The following RBPJ variants were observed in gnomAD, a reference collection of about 807,000 sequenced individuals.
The protein encoded by RBPJ is recombining binding protein suppressor of hairless.
A neutral mutation model predicts 67.8 loss-of-function variants in RBPJ; 9 were observed. The observed-to-expected ratio is 0.13, with a 90% confidence interval of 0.08 to 0.23. RBPJ has a LOEUF of 0.23. RBPJ is among the 10% of genes least tolerant of loss of function. RBPJ has a pLI of 1.00. For synonymous variants in RBPJ, 198 were observed against 203.3 expected (o/e 0.97, Z 0.22); for missense variants, 305 against 595.6 (o/e 0.51, Z 5.08).
intron 1 of RBPJ, among the ~76,000 whole-genome samples, chr4:26,378,041 G>T (rs994312058): frequency 2.6e-5 from 4 of 152,144 alleles, no homozygotes; most frequent in African/African-American, 9.7e-5. Flanking sequence ...TTTCGAAGTT[G>T]ATGTTACTAA....
Position 26,181,103 on chromosome 4 carries a change from C to T in RBPJ, c.-167+17489C>T, listed in dbSNP as rs186588143. ...CCCCAGCCACGTGGAACTGTGAGTC[C>T]GTTAAACCTCTTTTCTTTATAAATT... On this transcript the variant is annotated intron_variant, in intron 1 of 4. Transcript: ENST00000512351. Among the ~76,000 whole-genome samples the T allele has an allele frequency of 4.6e-3, 695 of 152,252 alleles. 8 individuals are homozygous for T. Among genetic ancestry groups the T allele is most frequent in the African/African-American group, 0.016 (648 of 41,562 alleles).
chr4:26,362,621 A>G (rs754657589), intron 1 of RBPJ: 1 of 1,614,034 alleles, frequency 6.2e-7, no homozygotes, highest in Non-Finnish European at 8.5e-7. Flanking sequence ...CATGGCGTGG[A>G]TTAAAAGGTA....
chr4:26,292,693 A>T (rs1721711205), intron 1 of RBPJ, among the ~76,000 whole-genome samples: 1 of 150,556 alleles, frequency 6.6e-6, no homozygotes, highest in South Asian at 2.1e-4. Context: ...AATTGCCGGG[A>T]TTACAGGTGC....
chr4:26,144,879 C>T, the RBPJ span, among the ~76,000 whole-genome samples: 1 of 152,312 alleles, frequency 6.6e-6, no homozygotes, highest in African/African-American at 2.4e-5. Flanking sequence ...GATTTCTTCA[C>T]TCTTTTATAT....
chr4:26,270,352 C>CAA (rs1720838400), intron 1 of RBPJ, among the ~76,000 whole-genome samples: 1 of 50,478 alleles, frequency 2.0e-5, no homozygotes, highest in African/African-American at 8.4e-5. Flanking sequence ...AGGGAGAGAG[C>CAA]AAGAGAAAGA....
At chr4:26,139,447 T>A in the RBPJ span, among the ~76,000 whole-genome samples, 3 of 152,216 alleles carry the variant, frequency 2.0e-5, no homozygotes, top group Non-Finnish European at 4.4e-5. Flanking sequence ...AATTCAACAC[T>A]TAGCATCCAC....
At chr4:26,277,995 C>T (rs1000501225) in intron 1 of RBPJ, among the ~76,000 whole-genome samples, 15 of 152,208 alleles carry the variant, frequency 9.9e-5, no homozygotes, top group African/African-American at 3.1e-4. Context: ...GTGTGTCTTG[C>T]CTTCTAAGCT....
At chr4:26,261,381 T>G (rs1237687242) in intron 1 of RBPJ, among the ~76,000 whole-genome samples, 1 of 152,018 alleles carries the variant, frequency 6.6e-6, no homozygotes, top group Non-Finnish European at 1.5e-5. Context: ...TACATTCTCC[T>G]TAAGAAAATA....
intron 1 of RBPJ, among the ~76,000 whole-genome samples, chr4:26,204,742 C>G (rs1203181460): frequency 6.6e-6 from 1 of 152,146 alleles, no homozygotes; most frequent in African/African-American, 2.4e-5. Flanking sequence ...GCACTGCTCT[C>G]GTAAAATGGT....
At chr4:26,348,707 T>G (rs1010082775) in intron 1 of RBPJ, among the ~76,000 whole-genome samples, 4 of 150,804 alleles carry the variant, frequency 2.7e-5, no homozygotes, top group African/African-American at 7.3e-5. Context: ...TTGTTTTTTG[T>G]TTTTTTTTGT....
chr4:26,162,613 C>CCTCTACATTTGTT (rs1240283019), upstream of RBPJ, among the ~76,000 whole-genome samples: 6 of 152,154 alleles, frequency 3.9e-5, no homozygotes, highest in African/African-American at 1.4e-4. Flanking sequence ...CATATTATCC[C>CCTCTACATTTGTT]CATTCTACAG....
chr4:26,357,582 A>T (rs1232934660), intron 1 of RBPJ, among the ~76,000 whole-genome samples: 2 of 152,234 alleles, frequency 1.3e-5, no homozygotes, highest in Admixed American at 6.5e-5. Flanking sequence ...AATATACATA[A>T]ATAAAATTTA....
intron 1 of RBPJ, among the ~76,000 whole-genome samples, chr4:26,244,315 G>A (rs7680489): frequency 0.045 from 18 of 400 alleles, 1 homozygote; most frequent in African/African-American, 0.082. Context: ...ACATATGTGT[G>A]TATATGTATA....
chr4:26,195,517 C>A (rs1386202421), intron 1 of RBPJ, among the ~76,000 whole-genome samples: 1 of 152,134 alleles, frequency 6.6e-6, no homozygotes, highest in Non-Finnish European at 1.5e-5. Flanking sequence ...AGCTGCTTTA[C>A]TTCTCCCCTT....
At chr4:26,351,801 A>C (rs1225216575) in intron 1 of RBPJ, among the ~76,000 whole-genome samples, 1 of 152,216 alleles carries the variant, frequency 6.6e-6, no homozygotes, top group Non-Finnish European at 1.5e-5. Context: ...TTCTGTTTTG[A>C]TAGTACGTTT....
intron 1 of RBPJ, among the ~76,000 whole-genome samples, chr4:26,243,925 C>G (rs948830466): frequency 1.3e-5 from 2 of 151,672 alleles, no homozygotes; most frequent in African/African-American, 4.8e-5. Context: ...TGAAATTCGT[C>G]TCTACAAAAA....
chr4:26,313,839 A>G (rs936632389), intron 1 of RBPJ, among the ~76,000 whole-genome samples: 1 of 152,160 alleles, frequency 6.6e-6, no homozygotes, highest in Non-Finnish European at 1.5e-5. Context: ...TTTGTCCCCA[A>G]AAAAATAAAT....
chr4:26,197,979 G>A (rs895633278), intron 1 of RBPJ, among the ~76,000 whole-genome samples: 3 of 152,070 alleles, frequency 2.0e-5, no homozygotes, highest in Admixed American at 6.6e-5. Flanking sequence ...CAGGCCGGGC[G>A]CAGTGGCTCA....
Position 26,272,727 on chromosome 4 carries a change from C to T in RBPJ, c.-166-89719C>T, listed in dbSNP as rs1341340343. On this transcript the variant is annotated intron_variant, in intron 1 of 4. Transcript: ENST00000512351. Reference sequence around the variant, plus strand: ...AAAAATAGGGCTTACTTTTCTCTGTCCTTGGGGTGCACCAACCATATTTGA... The same window carrying T: ...AAAAATAGGGCTTACTTTTCTCTGTTCTTGGGGTGCACCAACCATATTTGA... 11 of 453,534 alleles carry T rather than the reference C, an allele frequency of 2.4e-5. No homozygotes were observed. The Admixed American group carries it at 2.6e-4, about 11-fold the overall frequency. The allele number at this position is 453,534 out of a possible 1,614,324, so 28.1% of individuals were successfully genotyped here. A position where few individuals can be genotyped will look rare whatever the true frequency, so the allele number is the denominator to read the frequency against.
Sources: allele counts gnomAD v4.1 joint callset (sites outside exome capture counted in the v4.1 genomes callset), GRCh38; gene constraint gnomAD v4.1.1; transcripts MANE v1.5; gene names NCBI Gene and HGNC (gene_info 2026-07-23, HGNC 2026-07-21).